The following MBOAT2 variants were observed in gnomAD, a reference collection of about 807,000 sequenced individuals.
The protein encoded by MBOAT2 is membrane bound glycerophospholipid O-acyltransferase 2.
MBOAT2 carries 28 observed loss-of-function variants against 63.4 expected under a neutral mutation model. The ratio of observed to expected loss-of-function variants is 0.44; its 90% CI spans 0.33 to 0.61. MBOAT2 has a LOEUF of 0.61. Among genes scored for constraint, MBOAT2 ranks in the 20% least tolerant of loss-of-function variants. The pLI is 0.03. For synonymous variants in MBOAT2, 211 were observed against 215.6 expected (o/e 0.98, Z 0.19); for missense variants, 470 against 605.8 (o/e 0.78, Z 2.35).
At chr2:8,932,396 C>T (rs909432328) in intron 3 of MBOAT2, among the ~76,000 whole-genome samples, 16 of 152,102 alleles carry the variant, frequency 1.1e-4, no homozygotes, top group Non-Finnish European at 2.4e-4. Flanking sequence ...AATACTACAT[C>T]CTGATGAAGA....
At chr2:8,904,414 C>T (rs1001008184) in intron 4 of MBOAT2, among the ~76,000 whole-genome samples, 1 of 151,798 alleles carries the variant, frequency 6.6e-6, no homozygotes, top group Admixed American at 6.6e-5. Flanking sequence ...GAAACTCAAG[C>T]GATCCTCCCA....
chr2:8,912,290 AAAAGAAAGAAAAGAAAGAAAGAAAG>A (rs1665766408), intron 3 of MBOAT2, among the ~76,000 whole-genome samples: 2 of 125,908 alleles, frequency 1.6e-5, no homozygotes, highest in Admixed American at 1.8e-4. Flanking sequence ...AGACAGAAGG[AAAAGAAAGAAAAGAAAGAAAGAAAG>A]AAAGAAAGAA....
At chr2:8,983,695 C>T (rs2103342998) in intron 1 of MBOAT2, among the ~76,000 whole-genome samples, 1 of 152,260 alleles carries the variant, frequency 6.6e-6, no homozygotes, top group African/African-American at 2.4e-5. Flanking sequence ...AAATTTACTA[C>T]TTTCCTAATT....
At chr2:8,994,035 A>G (rs147004298) in intron 1 of MBOAT2, among the ~76,000 whole-genome samples, 184 of 152,324 alleles carry the variant, frequency 1.2e-3, no homozygotes, top group Middle Eastern at 6.8e-3. Context: ...TGAAGCAAAT[A>G]AAAGATCAGC....
At chr2:8,950,785 G>A (rs1558648894) in intron 2 of MBOAT2, among the ~76,000 whole-genome samples, 1 of 152,108 alleles carries the variant, frequency 6.6e-6, no homozygotes, top group Non-Finnish European at 1.5e-5. Context: ...ATCATTGATG[G>A]CTCTTGGTAT....
At chr2:8,901,838 A>C (rs1664952672) in intron 4 of MBOAT2, among the ~76,000 whole-genome samples, 1 of 152,216 alleles carries the variant, frequency 6.6e-6, no homozygotes, top group South Asian at 2.1e-4. Flanking sequence ...CTAGAAAAGA[A>C]TCAGAGACAG....
intron 2 of MBOAT2, among the ~76,000 whole-genome samples, chr2:8,954,612 A>G (rs1402886846): frequency 6.6e-6 from 1 of 152,192 alleles, no homozygotes; most frequent in Non-Finnish European, 1.5e-5. Context: ...AAGAGTTGCC[A>G]TTCCAGATGC....
At chr2:8,884,220 A>AG (rs1257349238) in intron 5 of MBOAT2, among the ~76,000 whole-genome samples, 22 of 149,314 alleles carry the variant, frequency 1.5e-4, no homozygotes, top group Non-Finnish European at 2.4e-4. Context: ...AAAAAAAAAA[A>AG]GTCTGGCTCT....
At chr2:8,938,492 C>T (rs1237436521) in intron 3 of MBOAT2, among the ~76,000 whole-genome samples, 4 of 151,898 alleles carry the variant, frequency 2.6e-5, no homozygotes, top group African/African-American at 4.8e-5. Context: ...CATTCCACCA[C>T]GTTTCATGCC....
intron 1 of MBOAT2, among the ~76,000 whole-genome samples, chr2:8,992,708 T>G (rs1672001880): frequency 6.6e-6 from 1 of 152,188 alleles, no homozygotes; most frequent in African/African-American, 2.4e-5. Context: ...AAAGTTTCTA[T>G]GAGATGATGG....
At chr2:8,867,374 A>G (rs543800936) in intron 9 of MBOAT2, among the ~76,000 whole-genome samples, 1 of 152,118 alleles carries the variant, frequency 6.6e-6, no homozygotes, top group East Asian at 1.9e-4. Context: ...GCCTCTCAGT[A>G]CTGGTGCTCT....
At chr2:8,885,759 T>C (rs1050680388) in intron 5 of MBOAT2, among the ~76,000 whole-genome samples, 1 of 152,188 alleles carries the variant, frequency 6.6e-6, no homozygotes, top group African/African-American at 2.4e-5. Flanking sequence ...TGCCTAGAAA[T>C]ACCCAAAGAT....
chr2:8,907,374 T>C (rs763805684), intron 4 of MBOAT2, among the ~76,000 whole-genome samples: 1 of 152,222 alleles, frequency 6.6e-6, no homozygotes, highest in Non-Finnish European at 1.5e-5. Context: ...AAGACCAATA[T>C]AGGTGCAAAT....
intron 1 of MBOAT2, among the ~76,000 whole-genome samples, chr2:8,996,072 T>G (rs1183068160): frequency 6.6e-6 from 1 of 152,106 alleles, no homozygotes; most frequent in Non-Finnish European, 1.5e-5. Context: ...TTAATAACAA[T>G]CCAAAGTGAT....
chr2:8,938,518 G>A (rs1667819804), intron 3 of MBOAT2, among the ~76,000 whole-genome samples: 1 of 150,950 alleles, frequency 6.6e-6, no homozygotes. Flanking sequence ...ATTTTATGCT[G>A]CCACGTTTCA....
intron 1 of MBOAT2, among the ~76,000 whole-genome samples, chr2:8,962,115 T>G (rs1024281985): frequency 3.3e-5 from 5 of 152,346 alleles, no homozygotes; most frequent in Admixed American, 2.0e-4. Flanking sequence ...GGACCCAAGC[T>G]GACACAACAC....
intron 1 of MBOAT2, among the ~76,000 whole-genome samples, chr2:8,991,080 T>C (rs1009351517): frequency 6.6e-6 from 1 of 152,168 alleles, no homozygotes; most frequent in African/African-American, 2.4e-5. Context: ...GTCCTAGTAT[T>C]AGAAAAGGCA....
chr2:8,968,156 G>A (rs963119925), intron 1 of MBOAT2, among the ~76,000 whole-genome samples: 6 of 151,444 alleles, frequency 4.0e-5, no homozygotes, highest in Non-Finnish European at 8.8e-5. Context: ...CACCTCACAT[G>A]GCCAGGTATC....
chr2:8,983,856 G>A (rs748150044), intron 1 of MBOAT2, among the ~76,000 whole-genome samples: 1 of 152,022 alleles, frequency 6.6e-6, no homozygotes, highest in Non-Finnish European at 1.5e-5. Flanking sequence ...ACTTTTCTGT[G>A]AATTTAATAT....
Sources: allele counts gnomAD v4.1 joint callset (sites outside exome capture counted in the v4.1 genomes callset), GRCh38; gene constraint gnomAD v4.1.1; transcripts MANE v1.5; gene names NCBI Gene and HGNC (gene_info 2026-07-23, HGNC 2026-07-21).